B3GLCT: variants seen among roughly 807,000 people sequenced by gnomAD.
B3GLCT encodes beta-1,3-glucosyltransferase.
In B3GLCT, 65 loss-of-function variants were observed where a neutral mutation model predicts 63.4. The observed-to-expected ratio is 1.03, with a 90% CI of 0.84 to 1.26. The LOEUF (loss-of-function observed/expected upper bound fraction) is 1.26. Among genes scored for constraint, B3GLCT ranks in the 50% most tolerant of loss-of-function variants. B3GLCT has a pLI of 0.00. For missense variants in B3GLCT, 577 were observed against 604.8 expected (o/e 0.95, Z 0.48); for synonymous variants, 233 against 219.2 (o/e 1.06, Z -0.55).
intron 1 of B3GLCT, among the ~76,000 whole-genome samples, chr13:31,204,203 A>G (rs1191869920): frequency 6.6e-6 from 1 of 152,196 alleles, no homozygotes; most frequent in Non-Finnish European, 1.5e-5. Flanking sequence ...ATGGATCTCA[A>G]CAGGGAGCCA....
At chr13:31,316,965 A>G (rs1228143659) in intron 12 of B3GLCT, among the ~76,000 whole-genome samples, 1 of 152,140 alleles carries the variant, frequency 6.6e-6, no homozygotes, top group Non-Finnish European at 1.5e-5. Context: ...AAGTATAAGC[A>G]ATTAGACACA....
At chr13:31,329,182 A>G (rs1193974145) in intron 14 of B3GLCT, among the ~76,000 whole-genome samples, 1 of 152,190 alleles carries the variant, frequency 6.6e-6, no homozygotes, top group Non-Finnish European at 1.5e-5. Context: ...TGCAGAAGTG[A>G]TAATAGTAAC....
At chr13:31,284,564 TG>T in intron 10 of B3GLCT, 83 bp from the exon 11 acceptor site, 2 of 798,168 alleles carry the variant, frequency 2.5e-6, no homozygotes, top group Non-Finnish European at 4.5e-6. Flanking sequence ...TCTCTTCCTT[TG>T]TAGATGATTA....
chr13:31,272,218 C>CTT lies in B3GLCT; in HGVS notation c.661-2277_661-2276dup, dbSNP rs11433454. 3.4e-3 allele frequency among the ~76,000 whole-genome samples: 461 copies of CTT among 136,182 alleles called. 5 individuals carry two copies. The highest frequency in any genetic ancestry group is 0.026 in the Middle Eastern group (7 of 268). The allele number at this position is 136,182 out of a possible 152,430, so 89.3% of individuals were successfully genotyped here. A position where few individuals can be genotyped will look rare whatever the true frequency, so the allele number is the denominator to read the frequency against. ...CCCCTCTCCTTATTTTCTATTTTTCCTTTTTTTTTTTTTTTGAGACAGAGT... is the reference window on the plus strand; with the variant it reads ...CCCCTCTCCTTATTTTCTATTTTTCCTTTTTTTTTTTTTTTTTGAGACAGAGT... On this transcript the variant is annotated intron_variant, in intron 8 of 14. Coordinates refer to ENST00000343307, the MANE Select transcript of B3GLCT (RefSeq NM_194318.4).
At chr13:31,264,113 T>C (rs1260023939) in intron 7 of B3GLCT, among the ~76,000 whole-genome samples, 1 of 152,042 alleles carries the variant, frequency 6.6e-6, no homozygotes, top group Non-Finnish European at 1.5e-5. Flanking sequence ...TGCAGTCCCA[T>C]TCATGAGAGT....
chr13:31,269,328 C>A, intron 8 of B3GLCT, 51 bp downstream of exon 8: 1 of 1,346,090 alleles, frequency 7.4e-7, no homozygotes, highest in South Asian at 1.2e-5. Context: ...GAATTCATGT[C>A]CTTTGATGTA....
chr13:31,243,902 C>G (rs1871070078), intron 4 of B3GLCT, among the ~76,000 whole-genome samples: 1 of 152,198 alleles, frequency 6.6e-6, no homozygotes, highest in South Asian at 2.1e-4. Flanking sequence ...TTTTCATTTT[C>G]TTTCCCTTTT....
chr13:31,299,873 G>C (rs1230901673), intron 12 of B3GLCT, among the ~76,000 whole-genome samples: 1 of 152,046 alleles, frequency 6.6e-6, no homozygotes, highest in Non-Finnish European at 1.5e-5. Context: ...CTTTTAATAG[G>C]CCAAGTATCC....
intron 3 of B3GLCT, among the ~76,000 whole-genome samples, chr13:31,224,187 G>T (rs1024043833): frequency 6.6e-6 from 1 of 152,082 alleles, no homozygotes; most frequent in Admixed American, 6.5e-5. Flanking sequence ...AAGGAACCAC[G>T]TCAATTTGTT....
rs143922880 is a variant in B3GLCT, at chr13:31,211,116, C to T, written c.71-3935C>T. On this transcript the variant is annotated intron_variant, in intron 1 of 14. Transcript: ENST00000343307. The stretch of plus-strand genomic sequence containing the variant: ...TTTAAAGATAAAACCAACTGGCAGC[C>T]GGGCATGGTGGTTCATGCCTGTAAT... Among the ~76,000 whole-genome samples, 711 of 152,182 alleles carry T rather than the reference C, an allele frequency of 4.7e-3. 4 individuals are homozygous for T. Among genetic ancestry groups the T allele is most frequent in the Non-Finnish European group, 8.2e-3 (557 of 67,996 alleles).
In B3GLCT at chr13:31,322,685, C is replaced by T. The variant is rs376948381; in HGVS notation, c.1185-1066C>T. ...TAATTACATATTAAAATTTCATGCT[C>T]ACGTTTCATCTTCCTATAAAGTTAG... On this transcript the variant is annotated intron_variant, in intron 13 of 14. Transcript: ENST00000343307. Among the ~76,000 whole-genome samples the T allele has an allele frequency of 1.1e-3, 166 of 152,220 alleles. 2 individuals are homozygous for T. The highest frequency in any genetic ancestry group is 0.011 in the East Asian group (56 of 5,184).
chr13:31,286,775 C>A lies in B3GLCT; in HGVS notation c.1020C>A (p.Asp340Glu), dbSNP rs748392699. The change falls in exon 12 of 15, where the codon GAC becomes GAA. Residue 340 changes from aspartate (D) to glutamate (E), a missense_variant. Transcript: ENST00000343307. ...AAAGATTTCTGAATCGTAGCCAGGA[C>A]AAAACAGCATGGTTAGTCATTGTGG... is the stretch of plus-strand genomic sequence containing the variant. ...ILERFLNRSQ[D>E]KTAWLVIVDD... 2.5e-6 allele frequency: 4 copies of A among 1,613,354 alleles called. No homozygotes were observed. The highest frequency in any genetic ancestry group is 1.7e-4 in the Middle Eastern group (1 of 6,058).
chr13:31,211,389 T>A (rs1299348156), intron 1 of B3GLCT, among the ~76,000 whole-genome samples: 1 of 152,190 alleles, frequency 6.6e-6, no homozygotes, highest in Non-Finnish European at 1.5e-5. Context: ...GAGTGAGACC[T>A]GTCTCAAAAC....
At chr13:31,313,026 G>A (rs1874803217) in intron 12 of B3GLCT, 1 of 152,184 alleles carries the variant, frequency 6.6e-6, no homozygotes, top group African/African-American at 2.4e-5. Context: ...AAACCTGATT[G>A]GAAGTCTTGT....
At chr13:31,287,662 CAGAAGTGAAAAAAAA>C (rs1309708749) in intron 12 of B3GLCT, among the ~76,000 whole-genome samples, 1 of 144,576 alleles carries the variant, frequency 6.9e-6, no homozygotes, top group Non-Finnish European at 1.5e-5. Context: ...CAGGAAAATA[CAGAAGTGAAAAAAAA>C]TTAGCTTATT....
At chr13:31,284,519 A>G in intron 10 of B3GLCT, 129 bp from the exon 11 acceptor site, 1 of 707,242 alleles carries the variant, frequency 1.4e-6, no homozygotes, top group Non-Finnish European at 2.6e-6. Context: ...GAAGCAAGCA[A>G]CTCTTGGAAC....
Position 31,329,757 on chromosome 13 carries a change from T to A in B3GLCT, c.*89T>A, listed in dbSNP as rs1006074883. On this transcript the variant is annotated 3_prime_UTR_variant, in exon 15 of 15. Coordinates refer to ENST00000343307, the MANE Select transcript of B3GLCT (RefSeq NM_194318.4). Reference sequence around the variant, plus strand: ...CTGTGCTGTGCTCACAACACTTGTGTCTGCCACATGGCATTGGGTGCTTCC... The same window carrying A: ...CTGTGCTGTGCTCACAACACTTGTGACTGCCACATGGCATTGGGTGCTTCC... 5.9e-5 allele frequency: 85 copies of A among 1,438,022 alleles called. No homozygotes were observed. In the African/African-American group the frequency reaches 1.1e-3, roughly 18 times the overall value. 89.1% of individuals were successfully genotyped at this position (1,438,022 alleles called of 1,614,324 possible).
At chr13:31,272,280 A>C (rs551259409) in intron 8 of B3GLCT, among the ~76,000 whole-genome samples, 70 of 144,374 alleles carry the variant, frequency 4.8e-4, no homozygotes, top group African/African-American at 1.6e-3. Context: ...CAGTGGCGCC[A>C]TCTTGGCTTA....
intron 12 of B3GLCT, among the ~76,000 whole-genome samples, chr13:31,291,322 T>C (rs1873646120): frequency 6.6e-6 from 1 of 151,298 alleles, no homozygotes; most frequent in South Asian, 2.1e-4. Context: ...TCTTTTTTTG[T>C]TCCATATGAA....
Sources: gnomAD v4.1 joint callset for allele counts (sites outside exome capture counted in the v4.1 genomes callset) on GRCh38, gnomAD v4.1.1 for gene constraint, MANE v1.5 for transcripts, NCBI Gene and HGNC (gene_info 2026-07-23, HGNC 2026-07-21) for gene names.